The following CENPH variants were observed in gnomAD, a reference collection of about 807,000 sequenced individuals.
CENPH encodes the protein CENP-H.
A neutral mutation model predicts 42.9 loss-of-function variants in CENPH; 40 were observed. That is an observed-to-expected ratio of 0.93 (90% CI 0.72 to 1.21). The LOEUF (loss-of-function observed/expected upper bound fraction) is 1.21. Ranked by LOEUF, CENPH falls within the 50% of genes most tolerant of loss-of-function variation. CENPH has a pLI of 0.00. For missense variants in CENPH, 302 were observed against 292.9 expected (o/e 1.03, Z -0.23); for synonymous variants, 88 against 96.5 (o/e 0.91, Z 0.52).
At chr5:69,197,589 G>A (rs1747983265) in intron 5 of CENPH, 1 of 152,164 alleles carries the variant, frequency 6.6e-6, no homozygotes, top group Non-Finnish European at 1.5e-5. Flanking sequence ...ACTCATAGGT[G>A]GGAATTGAAC....
At chr5:69,200,402 T>C (rs1437527764) in intron 5 of CENPH, among the ~76,000 whole-genome samples, 1 of 152,198 alleles carries the variant, frequency 6.6e-6, no homozygotes, top group Non-Finnish European at 1.5e-5. Flanking sequence ...ATGAACACCT[T>C]ATAAAAGCTT....
intron 5 of CENPH, among the ~76,000 whole-genome samples, chr5:69,198,464 A>G (rs1011727032): frequency 6.6e-6 from 1 of 151,940 alleles, no homozygotes; most frequent in Non-Finnish European, 1.5e-5. Flanking sequence ...TAATTTTTGT[A>G]TTTTTAGTAG....
chr5:69,198,310 T>C (rs907051105), intron 5 of CENPH, among the ~76,000 whole-genome samples: 2 of 145,422 alleles, frequency 1.4e-5, no homozygotes, highest in African/African-American at 2.5e-5. Context: ...GTATAAGCAC[T>C]TTTTTTTTTT....
At chr5:69,209,279 T>A (rs1311399910) in intron 8 of CENPH, among the ~76,000 whole-genome samples, 6 of 152,052 alleles carry the variant, frequency 3.9e-5, no homozygotes, top group Non-Finnish European at 8.8e-5. Context: ...TCCCAGCAGT[T>A]TGGGAGGCCA....
At chr5:69,209,564 A>G (rs1407919737) in intron 8 of CENPH, 143 bp from the exon 9 acceptor site, 1 of 533,344 alleles carries the variant, frequency 1.9e-6, no homozygotes, top group Non-Finnish European at 3.3e-6. Context: ...AGAAGAATGT[A>G]TTATCATTTT....
chr5:69,196,937 C>G (rs906050970), intron 4 of CENPH, 116 bp from the exon 5 acceptor site: 1 of 588,520 alleles, frequency 1.7e-6, no homozygotes, highest in African/African-American at 1.9e-5. Flanking sequence ...ATTTTAAAAC[C>G]TACTTCTGTT....
At position 69,202,565 on chromosome 5, in the gene CENPH, A is replaced by G. The variant is rs765991359; in HGVS notation, c.431A>G (p.Gln144Arg). 13 of 1,542,578 alleles carry G rather than the reference A, an allele frequency of 8.4e-6. No individual in the cohort carries two copies. The Admixed American group carries it at 2.1e-4, about 25-fold the overall frequency. ...LELNKLIMKSQQESWDLEEKL... is the reference protein window; with the variant it reads ...LELNKLIMKSRQESWDLEEKL... The stretch of plus-strand genomic sequence containing the variant: ...CTAAATAAATTAATAATGAAATCAC[A>G]GCAGGTAAACTTACACATTAGGCTG... Residue 144 changes from glutamine (Q) to arginine (R), a missense_variant, in exon 6 of 9, where the codon CAG becomes CGG. Coordinates refer to ENST00000283006, the MANE Select transcript of CENPH (RefSeq NM_022909.4).
At chr5:69,193,043 C>T (rs189847005) in intron 2 of CENPH, among the ~76,000 whole-genome samples, 101 of 151,698 alleles carry the variant, frequency 6.7e-4, no homozygotes, top group Non-Finnish European at 1.1e-3. Flanking sequence ...GTTGCAGTGA[C>T]GCGAGATCAC....
chr5:69,195,788 A>C lies in CENPH; in HGVS notation c.311A>C (p.Asp104Ala). The C allele has an allele frequency of 6.9e-7, 1 of 1,455,630 alleles. No homozygotes were observed. The highest frequency in any genetic ancestry group is 9.5e-7 in the Non-Finnish European group (1 of 1,055,430). The allele number at this position is 1,455,630 out of a possible 1,614,324, so 90.2% of individuals were successfully genotyped here. Residue 104 changes from aspartate (D) to alanine (A), a missense_variant, in exon 4 of 9, where the codon GAC becomes GCC. Physicochemically the swap from Asp to Ala is moderately radical, Grantham distance 126. Transcript: ENST00000283006. ...TTTGAGATAAAAAAGCTTGCATTAGACAGGTAATTATTACATTTTAAATAT... is the reference window on the plus strand; with the variant it reads ...TTTGAGATAAAAAAGCTTGCATTAGCCAGGTAATTATTACATTTTAAATAT... Reference protein sequence around the residue: ...VAFEIKKLALDRMRLSTALKK... With the variant: ...VAFEIKKLALARMRLSTALKK...
intron 7 of CENPH, among the ~76,000 whole-genome samples, chr5:69,203,374 AT>A (rs35193763): frequency 0.28 from 41,909 of 150,772 alleles, 6,414 homozygotes; most frequent in East Asian, 0.39. Flanking sequence ...TTAATATGGT[AT>A]TTTTTTTTGG....
chr5:69,191,401 G>A (rs1249776234), intron 1 of CENPH, among the ~76,000 whole-genome samples: 3 of 152,144 alleles, frequency 2.0e-5, no homozygotes, highest in Non-Finnish European at 2.9e-5. Flanking sequence ...AGTCCCAGCT[G>A]CTTGGGAGCC....
intron 6 of CENPH, 105 bp from the exon 7 acceptor site, chr5:69,202,814 G>A (rs1748079080): frequency 1.4e-6 from 1 of 719,320 alleles, no homozygotes; most frequent in African/African-American, 1.9e-5. Flanking sequence ...TTGAAAACTG[G>A]AACTTTAGAT....
intron 7 of CENPH, among the ~76,000 whole-genome samples, chr5:69,207,191 CT>C (rs796282210): frequency 6.3e-4 from 92 of 145,958 alleles, no homozygotes; most frequent in South Asian, 1.3e-3. Flanking sequence ...GGGAATCTTA[CT>C]TTTTTTTTTT....
intron 2 of CENPH, among the ~76,000 whole-genome samples, chr5:69,193,654 G>GT (rs1276045074): frequency 4.0e-4 from 59 of 147,578 alleles, no homozygotes; most frequent in African/African-American, 1.4e-3. Context: ...TTCTTTTTTT[G>GT]TTTTTTCTGT....
chr5:69,198,310 T>TG (rs1250332505), intron 5 of CENPH, among the ~76,000 whole-genome samples: 1 of 145,422 alleles, frequency 6.9e-6, no homozygotes, highest in Non-Finnish European at 1.5e-5. Flanking sequence ...GTATAAGCAC[T>TG]TTTTTTTTTT....
At position 69,194,922 on chromosome 5, in the gene CENPH, T is replaced by C. The variant is rs370405262; in HGVS notation, c.239+227T>C. Among the ~76,000 whole-genome samples, 176 of 150,358 alleles carry C rather than the reference T, an allele frequency of 1.2e-3. 2 individuals are homozygous for C. The highest frequency in any genetic ancestry group is 9.3e-3 in the East Asian group (48 of 5,150). On this transcript the variant is annotated intron_variant, in intron 3 of 8. Coordinates refer to ENST00000283006, the MANE Select transcript of CENPH (RefSeq NM_022909.4). ...GTACCACACCTGACTTTCTTTCTTT[T>C]TTTTTTTTTTTTTTAAATATTTTAG...
At chr5:69,204,072 A>AGAATATATATT (rs1748107782) in intron 7 of CENPH, among the ~76,000 whole-genome samples, 1 of 52,494 alleles carries the variant, frequency 1.9e-5, no homozygotes, top group African/African-American at 8.8e-5. Flanking sequence ...AATATATATA[A>AGAATATATATT]TATATAAATA....
intron 1 of CENPH, 104 bp from the exon 2 acceptor site, chr5:69,191,691 G>A (rs749118355): frequency 1.2e-5 from 8 of 694,830 alleles, no homozygotes; most frequent in Non-Finnish European, 2.1e-5. Flanking sequence ...TATTTATTTT[G>A]TTGTATCAGC....
intron 7 of CENPH, 23 bp from the exon 8 acceptor site, chr5:69,208,170 ATAT>A: frequency 8.0e-7 from 1 of 1,242,626 alleles, no homozygotes; most frequent in East Asian, 2.4e-5. Flanking sequence ...TATATATGGT[ATAT>A]TATTTTATTT....
Sources: allele counts gnomAD v4.1 joint callset (sites outside exome capture counted in the v4.1 genomes callset), GRCh38; gene constraint gnomAD v4.1.1; transcripts MANE v1.5; gene names NCBI Gene and HGNC (gene_info 2026-07-23, HGNC 2026-07-21).